Variants in PDLIM7 observed in about 807,000 individuals in gnomAD.
PDLIM7 encodes PDZ and LIM domain protein 7.
PDLIM7 carries 37 observed loss-of-function variants against 53.9 expected under a neutral mutation model. The ratio of observed to expected loss-of-function variants is 0.69; its 90% CI spans 0.53 to 0.90. PDLIM7 has a LOEUF of 0.90. Ranked by LOEUF, PDLIM7 falls within the 40% of genes least tolerant of loss-of-function variation. The pLI, the probability that PDLIM7 is intolerant of heterozygous loss-of-function variation, is 0.00. For synonymous variants in PDLIM7, 300 were observed against 261.3 expected, an observed-to-expected ratio of 1.15 and a Z score of -1.43; for missense variants, 617 against 638.5, an observed-to-expected ratio of 0.97 and a Z score of 0.36.
rs75256410 is a variant in PDLIM7 at position 177,487,226 on chromosome 5, C to T, written c.1050+842G>A. ...GGGATACAAGCATCAGCCACTGCATCGGCCACTCTCCCATTCTTGCCGACT... is the reference window on the plus strand; with the variant it reads ...GGGATACAAGCATCAGCCACTGCATTGGCCACTCTCCCATTCTTGCCGACT... On this transcript the variant is annotated intron_variant, in intron 10 of 12. Coordinates refer to ENST00000355841, the MANE Select transcript of PDLIM7 (RefSeq NM_005451.5). Among the ~76,000 whole-genome samples the T allele has an allele frequency of 5.0e-3, 755 of 152,308 alleles. 3 individuals are homozygous for T. Among genetic ancestry groups the T allele is most frequent in the South Asian group, 0.019 (91 of 4,824 alleles).
At position 177,489,444 on chromosome 5, in the gene PDLIM7, C is replaced by T. The variant is rs777107567; in HGVS notation, c.818G>A (p.Gly273Asp). 2 of 1,603,344 alleles carry T rather than the reference C, an allele frequency of 1.2e-6. No individual in the cohort carries two copies. Among genetic ancestry groups the T allele is most frequent in the Non-Finnish European group, 1.7e-6 (2 of 1,175,684 alleles). The change falls in exon 9 of 13, where the codon GGC becomes GAC. Residue 273 changes from glycine (G) to aspartate (D), a missense_variant. Coordinates refer to ENST00000355841, the MANE Select transcript of PDLIM7 (RefSeq NM_005451.5). The part of the protein sequence containing the change: ...QAAAGGVPGG[G>D]SNNGKTPVCH... The stretch of plus-strand genomic sequence containing the variant: ...CACGGGAGTCTTGCCGTTGTTGCTG[C>T]CCCCTCCTGGCACCCCTCCGGCAGC...
rs1161103007 is a variant in PDLIM7 at position 177,486,438 on chromosome 5, T to C, written c.1050+1630A>G. 3.9e-5 allele frequency among the ~76,000 whole-genome samples: 6 copies of C among 152,268 alleles called. No individual in the cohort carries two copies. The East Asian group carries it at 1.2e-3, about 29-fold the overall frequency. ...AGGCCCAGAGAGAGCAACTAGCCCC[T>C]GCTCACACAGCCAGTAGATCACAGA... On this transcript the variant is annotated intron_variant, in intron 10 of 12. Coordinates refer to ENST00000355841, the MANE Select transcript of PDLIM7 (RefSeq NM_005451.5).
chr5:177,491,877 C>T lies in PDLIM7; in HGVS notation c.328G>A (p.Val110Ile), dbSNP rs1054288536. ...DPPRYTFAPSVSLNKTARPFG... is the reference protein window; with the variant it reads ...DPPRYTFAPSISLNKTARPFG... ...GGCCGGGCCGTCTTGTTGAGGGAGA[C>T]GCTGGGTGCAAAGGTGTACCGCGGA... The change falls in exon 5 of 13, where the codon GTC becomes ATC. Residue 110 changes from valine to isoleucine, a missense_variant. Transcript: ENST00000355841. 3 of 1,195,876 alleles carry T rather than the reference C, an allele frequency of 2.5e-6. No homozygotes were observed. Among genetic ancestry groups the T allele is most frequent in the African/African-American group, 1.6e-5 (1 of 61,388 alleles). The allele number at this position is 1,195,876 out of a possible 1,614,324, so 74.1% of individuals were successfully genotyped here.
At chr5:177,487,943 A>G in intron 10 of PDLIM7, 125 bp downstream of exon 10, 1 of 845,530 alleles carries the variant, frequency 1.2e-6, no homozygotes, top group East Asian at 2.7e-5. Flanking sequence ...ACAGCAGCCC[A>G]TTTATTACGC....
chr5:177,490,624 T>A, intron 7 of PDLIM7: 3 of 1,448,810 alleles, frequency 2.1e-6, no homozygotes, highest in African/African-American at 1.6e-5. Context: ...GAGGAAGAAG[T>A]GGAAGGAAGG....
intron 10 of PDLIM7, among the ~76,000 whole-genome samples, chr5:177,485,205 G>T (rs887651549): frequency 6.6e-6 from 1 of 152,248 alleles, no homozygotes; most frequent in African/African-American, 2.4e-5. Flanking sequence ...AGGGCAGGAA[G>T]CATCAACTGT....
intron 2 of PDLIM7, chr5:177,492,896 T>C (rs1758878817): frequency 1.7e-6 from 1 of 576,902 alleles, no homozygotes; most frequent in African/African-American, 1.9e-5. Flanking sequence ...GCTTATTTAT[T>C]CACTGCCAGA....
rs1197785934 is a variant in PDLIM7, at chr5:177,490,746, GAA to G, written c.572+122_572+123del. 251 of 938,140 alleles carry G rather than the reference GAA, an allele frequency of 2.7e-4. 4 individuals carry two copies. Among genetic ancestry groups the G allele is most frequent in the Middle Eastern group, 1.3e-3 (4 of 3,154 alleles). The allele number at this position is 938,140 out of a possible 1,614,324, so 58.1% of individuals were successfully genotyped here. A position where few individuals can be genotyped will look rare whatever the true frequency, so the allele number is the denominator to read the frequency against. On this transcript the variant is annotated intron_variant, in intron 7 of 12. Transcript: ENST00000355841. ...GGAAGGAAGGAAGGAAGGAAGGAAG[GAA>G]GGAAGGAAGGAAGGAAGGGAGAATT...
chr5:177,491,067 C>CCGGCCG lies in PDLIM7; in HGVS notation c.472_477dup (p.Arg158_Pro159dup). 1 of 1,610,466 alleles carries CCGGCCG rather than the reference C, an allele frequency of 6.2e-7. No homozygotes were observed. ...CGGAAGGAACGCGACTGGCCTGTCC[C>CCGGCCG]CGGCCGCGGCCGCCAGTCCTCTGTG... is the stretch of plus-strand genomic sequence containing the variant. On this transcript the variant is annotated inframe_insertion, in exon 6 of 13. Coordinates refer to ENST00000355841, the MANE Select transcript of PDLIM7 (RefSeq NM_005451.5).
At chr5:177,484,272 G>T (rs1020547794) in intron 10 of PDLIM7, 82 bp from the exon 11 acceptor site, 1 of 1,545,406 alleles carries the variant, frequency 6.5e-7, no homozygotes, top group Admixed American at 1.7e-5. Flanking sequence ...AGGGCTGGCC[G>T]CAAGCCCTGT....
chr5:177,490,801 T>G (rs1191354814), intron 7 of PDLIM7, 69 bp downstream of exon 7: 5 of 1,545,522 alleles, frequency 3.2e-6, no homozygotes, highest in Non-Finnish European at 3.6e-6. Context: ...GCCTCAGGAG[T>G]AGACACAGGG....
At chr5:177,492,143 C>T (rs1561704609) in intron 4 of PDLIM7, 2 of 600,526 alleles carry the variant, frequency 3.3e-6, no homozygotes, top group Non-Finnish European at 5.8e-6. Flanking sequence ...GAGGGCTGAC[C>T]GAGTGCGGGC....
At chr5:177,487,729 G>C (rs1267929996) in intron 10 of PDLIM7, among the ~76,000 whole-genome samples, 3 of 152,256 alleles carry the variant, frequency 2.0e-5, no homozygotes, top group African/African-American at 4.8e-5. Flanking sequence ...GAAATGAGGA[G>C]GACGCATGAG....
intron 2 of PDLIM7, among the ~76,000 whole-genome samples, chr5:177,494,024 G>A (rs1239995908): frequency 6.6e-6 from 1 of 152,126 alleles, no homozygotes. Context: ...GCTTGCGTAG[G>A]AGGTCAGAAG....
rs1468632141 is a variant in PDLIM7 at position 177,491,035 on chromosome 5, A to G, written c.510T>C (p.Leu170=). 2 of 1,613,010 alleles carry G rather than the reference A, an allele frequency of 1.2e-6. No homozygotes were observed. Among genetic ancestry groups the G allele is most frequent in the African/African-American group, 2.7e-5 (2 of 74,920 alleles). ...GTGQSRSFRI[L]AHLTGTEFMQ... ...TGAACTCGGTGCCTGTGAGGTGGGC[A>G]AGGATGCGGAAGGAACGCGACTGGC... Residue 170 remains leucine, a synonymous_variant, in exon 6 of 13, where the codon CTT becomes CTC. Transcript: ENST00000355841.
At chr5:177,496,565 C>T (rs1345941874) in intron 1 of PDLIM7, 42 bp from the exon 2 acceptor site, 5 of 1,419,290 alleles carry the variant, frequency 3.5e-6, no homozygotes, top group Middle Eastern at 1.8e-4. Context: ...GCATGGTGGG[C>T]GGGCAGGCAG....
intron 9 of PDLIM7, among the ~76,000 whole-genome samples, chr5:177,488,833 T>C (rs1343433545): frequency 1.3e-5 from 2 of 149,590 alleles, no homozygotes; most frequent in Admixed American, 6.7e-5. Context: ...GAGGTTGCAG[T>C]GAGCCGAGAT....
chr5:177,491,495 G>A, intron 5 of PDLIM7: 4 of 1,233,090 alleles, frequency 3.2e-6, no homozygotes, highest in South Asian at 1.3e-5. Flanking sequence ...AAGACGGGGA[G>A]GGGTCAGAAC....
Position 177,488,304 on chromosome 5 carries a change from G to A in PDLIM7, c.870-56C>T, listed in dbSNP as rs1758567404. 3.4e-6 allele frequency: 5 copies of A among 1,461,462 alleles called. No homozygotes were observed. In the African/African-American group the frequency reaches 4.2e-5, roughly 12 times the overall value. The allele number at this position is 1,461,462 out of a possible 1,614,324, so 90.5% of individuals were successfully genotyped here. A position where few individuals can be genotyped will look rare whatever the true frequency, so the allele number is the denominator to read the frequency against. On this transcript the variant is annotated intron_variant, in intron 9 of 12. Coordinates refer to ENST00000355841, the MANE Select transcript of PDLIM7 (RefSeq NM_005451.5). The stretch of plus-strand genomic sequence containing the variant: ...CACACGCAGAGAGGTGGGGGTCTTG[G>A]CCCCCTTCAGGTTGACTGACCACCC...
Sources: gnomAD v4.1 joint callset for allele counts (sites outside exome capture counted in the v4.1 genomes callset) on GRCh38, gnomAD v4.1.1 for gene constraint, MANE v1.5 for transcripts, NCBI Gene and HGNC (gene_info 2026-07-23, HGNC 2026-07-21) for gene names.